The following OR2T2 variants were observed in gnomAD, a reference collection of about 807,000 sequenced individuals.
OR2T2 encodes olfactory receptor 2T2.
For missense variants in OR2T2, 138 were observed against 409.1 expected (o/e 0.34, Z 5.72); for synonymous variants, 50 against 162.7 (o/e 0.31, Z 5.27).
intron 2 of OR2T2, among the ~76,000 whole-genome samples, chr1:248,450,526 CCT>C (rs1291532875): frequency 2.6e-5 from 4 of 151,280 alleles, no homozygotes; most frequent in Non-Finnish European, 4.4e-5. Flanking sequence ...TGTTTTACCT[CCT>C]CTTTGAATAC....
exon 3 of OR2T2, chr1:248,454,025 C>T (rs1305160565): frequency 5.3e-5 from 23 of 434,638 alleles, no homozygotes; most frequent in South Asian, 2.9e-4. Flanking sequence ...GGAACAGTAG[C>T]GAAGTTGGTG....
chr1:248,453,196 C>T (rs1197490990), exon 3 of OR2T2: 2 of 1,610,756 alleles, frequency 1.2e-6, no homozygotes, highest in Non-Finnish European at 8.5e-7. Flanking sequence ...CTCTACGGTA[C>T]CCTCTCCTCA....
At position 248,446,372 on chromosome 1, in the gene OR2T2, T is replaced by C. The variant is rs752127050; in HGVS notation, c.-245-217T>C. ...AGCTCAGGCTGTAGGGGTATAATAA[T>C]GAGTGCATTGTGTTTATAGTTGCAG... is the stretch of plus-strand genomic sequence containing the variant. On this transcript the variant is annotated intron_variant, in intron 1 of 2. Coordinates refer to ENST00000642130, the Ensembl canonical transcript of OR2T2. Among the ~76,000 whole-genome samples, 17 of 145,064 alleles carry C rather than the reference T, an allele frequency of 1.2e-4. 1 individual carries two copies. The highest frequency in any genetic ancestry group is 1.6e-4 in the Non-Finnish European group (11 of 67,430).
At position 248,453,487 on chromosome 1, in the gene OR2T2, C is replaced by T. The variant is rs143868805; in HGVS notation, c.690C>T (p.Asn230=). Residue 230 remains asparagine (N), a synonymous_variant, in exon 3 of 3, where the codon AAC becomes AAT. Coordinates refer to ENST00000642130, the Ensembl canonical transcript of OR2T2. ...TCCTCCTGACTGTCCACAGGATGAA[C>T]TCTGCTGAGGGCCGGCGCAAAGCCT... The T allele has an allele frequency of 2.0e-4, 320 of 1,589,286 alleles. 2 individuals are homozygous for T. The African/African-American group carries it at 3.7e-3, about 19-fold the overall frequency.
chr1:248,449,041 A>AGTT (rs1662730311), intron 2 of OR2T2, among the ~76,000 whole-genome samples, 153 bp from the exon 3 acceptor site: 1 of 144,140 alleles, frequency 6.9e-6, no homozygotes, highest in Non-Finnish European at 1.5e-5. Context: ...TGATACATTA[A>AGTT]TCAAACTTAA....
chr1:248,447,564 C>A (rs1186775306), intron 2 of OR2T2, among the ~76,000 whole-genome samples: 1 of 149,678 alleles, frequency 6.7e-6, no homozygotes, highest in African/African-American at 2.5e-5. Context: ...CCTGCTAATT[C>A]CCATTTGCGA....
chr1:248,445,988 C>T (rs1662636967), intron 1 of OR2T2, among the ~76,000 whole-genome samples: 1 of 145,374 alleles, frequency 6.9e-6, no homozygotes, highest in Admixed American at 6.7e-5. Context: ...TTGGTATTCA[C>T]AATGAGAAAG....
chr1:248,448,446 CAG>C (rs1405266399), intron 2 of OR2T2, among the ~76,000 whole-genome samples: 1 of 40,716 alleles, frequency 2.5e-5, no homozygotes, highest in Non-Finnish European at 4.4e-5. Context: ...ATATAGGGCT[CAG>C]TACTGTCTGC....
chr1:248,451,737 C>G (rs1240734921), intron 2 of OR2T2, among the ~76,000 whole-genome samples: 1 of 149,726 alleles, frequency 6.7e-6, no homozygotes, highest in East Asian at 1.9e-4. Flanking sequence ...CTCGGCCACC[C>G]AAAGTGCTAG....
intron 2 of OR2T2, among the ~76,000 whole-genome samples, chr1:248,447,544 A>AC (rs1279606543): frequency 6.8e-6 from 1 of 147,832 alleles, no homozygotes; most frequent in Admixed American, 6.8e-5. Context: ...TCTCTCTTCC[A>AC]CCCCTAGTGC....
exon 2 of OR2T2, chr1:248,446,652 G>T (rs1166034344): frequency 6.8e-6 from 1 of 148,028 alleles, no homozygotes; most frequent in Non-Finnish European, 1.5e-5. Context: ...GCCACCACAC[G>T]AACTGACACT....
rs200389028 is a variant in OR2T2, at chr1:248,453,503, C to T, written c.706C>T (p.Arg236Cys). The stretch of plus-strand genomic sequence containing the variant: ...CAGGATGAACTCTGCTGAGGGCCGG[C>T]GCAAAGCCTTTGCTACGTGTTCCTC... Residue 236 changes from arginine (R) to cysteine (C), a missense_variant, in exon 3 of 3, where the codon CGC (arginine) becomes TGC (cysteine). By Grantham distance (180) the Arg-to-Cys change is radical. Transcript: ENST00000642130. 51 of 1,586,930 alleles carry T rather than the reference C, an allele frequency of 3.2e-5. 1 individual carries two copies. The highest frequency in any genetic ancestry group is 3.1e-4 in the Admixed American group (18 of 57,468).
chr1:248,446,187 C>T (rs1461527961), intron 1 of OR2T2, among the ~76,000 whole-genome samples: 1 of 143,642 alleles, frequency 7.0e-6, no homozygotes, highest in African/African-American at 2.9e-5. Flanking sequence ...ATTTTAACCT[C>T]CTTCCTCTTT....
chr1:248,450,763 AC>A (rs1275106313), intron 2 of OR2T2, among the ~76,000 whole-genome samples: 4 of 149,750 alleles, frequency 2.7e-5, no homozygotes, highest in Non-Finnish European at 1.5e-5. Flanking sequence ...GTGGGTCAAG[AC>A]AAACTTACTG....
At chr1:248,453,869 G>C in exon 3 of OR2T2, 1 of 1,488,038 alleles carries the variant, frequency 6.7e-7, no homozygotes, top group Non-Finnish European at 9.2e-7. Flanking sequence ...GGAAGGACTA[G>C]CAAGGACTAG....
Position 248,453,052 on chromosome 1 carries a change from C to T in OR2T2, c.255C>T (p.Asp85=), listed in dbSNP as rs756252661. The change falls in exon 3 of 3, where the codon GAC becomes GAT. Residue 85 remains aspartate, a synonymous_variant. Transcript: ENST00000642130. ...TCACTGTCCCCAAGATGCTCCAGGACCTCCTGTCCAAGGACAAGACCATTT... is the reference window on the plus strand; with the variant it reads ...TCACTGTCCCCAAGATGCTCCAGGATCTCCTGTCCAAGGACAAGACCATTT... The T allele has an allele frequency of 1.1e-5, 18 of 1,613,370 alleles. No homozygotes were observed. In the South Asian group the frequency reaches 1.8e-4, roughly 16 times the overall value.
At chr1:248,445,710 A>G (rs1419733149) in intron 1 of OR2T2, 41 bp downstream of exon 1, 2 of 152,158 alleles carry the variant, frequency 1.3e-5, no homozygotes, top group Non-Finnish European at 2.9e-5. Flanking sequence ...AACATCACCC[A>G]GATACTGGGA....
intron 2 of OR2T2, among the ~76,000 whole-genome samples, chr1:248,449,972 G>A (rs576988647): frequency 7.0e-6 from 1 of 142,444 alleles, no homozygotes; most frequent in South Asian, 2.2e-4. Flanking sequence ...ACCACACATC[G>A]TAATGCTAAA....
At chr1:248,447,509 G>C (rs1414064716) in intron 2 of OR2T2, among the ~76,000 whole-genome samples, 3 of 145,630 alleles carry the variant, frequency 2.1e-5, no homozygotes, top group African/African-American at 7.9e-5. Flanking sequence ...GGGCTCTTCA[G>C]CTGTAGTTAG....
Sources: allele counts gnomAD v4.1 joint callset (sites outside exome capture counted in the v4.1 genomes callset), GRCh38; gene constraint gnomAD v4.1.1; transcripts MANE v1.5; gene names NCBI Gene and HGNC (gene_info 2026-07-23, HGNC 2026-07-21).